Variants in SH2B2 observed in about 807,000 individuals in gnomAD.
The protein encoded by SH2B2 is SH2B adapter protein 2.
A neutral mutation model predicts 35.7 loss-of-function variants in SH2B2; 37 were observed. The ratio of observed to expected loss-of-function variants is 1.04; its 90% CI spans 0.80 to 1.36. SH2B2 has a LOEUF of 1.36. Ranked by LOEUF, SH2B2 falls within the 40% of genes most tolerant of loss-of-function variation. SH2B2 has a pLI of 0.00. For synonymous variants in SH2B2, 383 were observed against 376.4 expected (o/e 1.02, Z -0.20); for missense variants, 852 against 817.7 (o/e 1.04, Z -0.51).
At chr7:102,306,403 G>A (rs1426806360) in intron 2 of SH2B2, among the ~76,000 whole-genome samples, 2 of 151,988 alleles carry the variant, frequency 1.3e-5, no homozygotes, top group African/African-American at 4.8e-5. Context: ...TTTTGGTCTC[G>A]AGTAAAGATA....
chr7:102,321,254 GC>G (rs1353126899), intron 8 of SH2B2, 44 bp from the exon 9 acceptor site: 1 of 1,317,078 alleles, frequency 7.6e-7, no homozygotes, highest in Non-Finnish European at 9.7e-7. Flanking sequence ...GCAGGATGTG[GC>G]CAGCCCAGGT....
intron 2 of SH2B2, among the ~76,000 whole-genome samples, chr7:102,306,359 G>T (rs1034796890): frequency 2.0e-5 from 3 of 152,180 alleles, no homozygotes; most frequent in African/African-American, 2.4e-5. Flanking sequence ...AAAGTGCTGG[G>T]ATTACAGGCG....
At chr7:102,305,893 C>CCT (rs1563558336) in intron 2 of SH2B2, among the ~76,000 whole-genome samples, 9 of 107,304 alleles carry the variant, frequency 8.4e-5, no homozygotes, top group Non-Finnish European at 1.3e-4. Context: ...TTTTTTTTTT[C>CCT]TTTTTTTTTT....
intron 1 of SH2B2, among the ~76,000 whole-genome samples, chr7:102,288,316 T>G (rs145173881): frequency 6.6e-6 from 1 of 152,120 alleles, no homozygotes; most frequent in East Asian, 2.0e-4. Flanking sequence ...AGAGGTCTGG[T>G]GGTGGCGGTG....
rs1289577273 is a variant in SH2B2, at chr7:102,301,047, C to G, written c.497C>G (p.Pro166Arg). ...CCCGAGCCCGACGCGGCAGCTGCCC[C>G]GCGCACCGCCGAGCCCCGCGACAAG... Reference protein sequence around the residue: ...ASPEPDAAAAPRTAEPRDKWT... With the variant: ...ASPEPDAAAARRTAEPRDKWT... The change falls in exon 2 of 9, where the codon CCG becomes CGG. Residue 166 changes from proline (P) to arginine (R), a missense_variant. Pro to Arg is a moderately radical substitution (Grantham distance 103). Coordinates refer to ENST00000444095, the MANE Select transcript of SH2B2 (RefSeq NM_001359228.2). The G allele has an allele frequency of 5.1e-6, 7 of 1,370,042 alleles. No homozygotes were observed. In the East Asian group the frequency reaches 9.5e-5, roughly 19 times the overall value. 84.9% of individuals were successfully genotyped at this position (1,370,042 alleles called of 1,614,324 possible).
intron 6 of SH2B2, among the ~76,000 whole-genome samples, chr7:102,316,308 C>T (rs782565115): frequency 2.0e-5 from 3 of 152,072 alleles, no homozygotes; most frequent in Non-Finnish European, 4.4e-5. Context: ...AATTATTTGG[C>T]TGGGCGCAGT....
At chr7:102,301,369 C>T (rs1337993444) in intron 2 of SH2B2, 90 bp downstream of exon 2, 1 of 1,426,842 alleles carries the variant, frequency 7.0e-7, no homozygotes, top group East Asian at 2.8e-5. Context: ...CCTTTGGGGA[C>T]CGCGTGGTCT....
In SH2B2 at chr7:102,316,889, G is replaced by C. The variant is rs190445298; in HGVS notation, c.1187-298G>C. Among the ~76,000 whole-genome samples, 5 of 150,970 alleles carry C rather than the reference G, an allele frequency of 3.3e-5. No individual in the cohort carries two copies. The East Asian group carries it at 7.9e-4, about 24-fold the overall frequency. ...CAAAAATTAGTTGGGTGTGGTGGTG[G>C]GCGCCTGTAATCCCAGCTACTCGGG... On this transcript the variant is annotated intron_variant, in intron 6 of 8. Transcript: ENST00000444095.
upstream of SH2B2, among the ~76,000 whole-genome samples, chr7:102,286,241 C>T (rs1248884411): frequency 6.6e-6 from 1 of 152,354 alleles, no homozygotes; most frequent in East Asian, 1.9e-4. Flanking sequence ...CGCCCTGTGG[C>T]CCGGGGGCGA....
At chr7:102,307,594 G>A (rs899765919) in intron 3 of SH2B2, among the ~76,000 whole-genome samples, 1 of 151,892 alleles carries the variant, frequency 6.6e-6, no homozygotes, top group African/African-American at 2.4e-5. Context: ...GGGGGCTGGG[G>A]ACACAGCCCC....
At chr7:102,309,468 T>C in intron 4 of SH2B2, 1 of 299,778 alleles carries the variant, frequency 3.3e-6, no homozygotes, top group South Asian at 2.7e-5. Flanking sequence ...TCAAGCAATT[T>C]TCCTGCCTCA....
At chr7:102,302,773 C>T (rs1554554170) in intron 2 of SH2B2, among the ~76,000 whole-genome samples, 1 of 152,220 alleles carries the variant, frequency 6.6e-6, no homozygotes. Context: ...TCTAACATGG[C>T]AGGACATGGT....
chr7:102,311,771 T>C lies in SH2B2; in HGVS notation c.924-2565T>C, dbSNP rs184695763. Reference sequence around the variant, plus strand: ...CGTGTATACATAGGAGCCTTCAGAATGAAGACTCAAAGATACAGGGGAGGG... The same window carrying C: ...CGTGTATACATAGGAGCCTTCAGAACGAAGACTCAAAGATACAGGGGAGGG... On this transcript the variant is annotated intron_variant, in intron 4 of 8. Coordinates refer to ENST00000444095, the MANE Select transcript of SH2B2 (RefSeq NM_001359228.2). 7.2e-5 allele frequency among the ~76,000 whole-genome samples: 11 copies of C among 152,202 alleles called. No homozygotes were observed. In the East Asian group the frequency reaches 1.9e-3, roughly 27 times the overall value.
rs201895678 is a variant in SH2B2 at position 102,320,456 on chromosome 7, C to T, written c.1521C>T (p.Ala507=). Residue 507 remains alanine, a synonymous_variant, in exon 8 of 9, where the codon GCC becomes GCT. Transcript: ENST00000444095. ...TCCCACTGGAGTCAGGGGGCTCGGC[C>T]GACATCACCCTTCGCAGCTATGTGC... ...HPIPLESGGS[A]DITLRSYVRA... is the part of the protein sequence containing the mutation. 62 of 1,613,556 alleles carry T rather than the reference C, an allele frequency of 3.8e-5. 1 individual carries two copies. In the African/African-American group the frequency reaches 6.0e-4, roughly 16 times the overall value.
chr7:102,292,464 G>A (rs1021659071), intron 1 of SH2B2, among the ~76,000 whole-genome samples: 2 of 150,118 alleles, frequency 1.3e-5, no homozygotes, highest in Non-Finnish European at 2.9e-5. Context: ...CCAGGAGGCG[G>A]AAGTTGCAGT....
intron 4 of SH2B2, chr7:102,309,171 A>G (rs1185157461): frequency 3.4e-6 from 2 of 581,814 alleles, no homozygotes; most frequent in African/African-American, 1.8e-5. Flanking sequence ...CTTCACCCCA[A>G]GAGAGCCTCA....
Position 102,300,592 on chromosome 7 carries a change from C to T in SH2B2, c.42C>T (p.Val14=). 4 of 1,550,008 alleles carry T rather than the reference C, an allele frequency of 2.6e-6. No homozygotes were observed. In the South Asian group the frequency reaches 4.8e-5, roughly 18 times the overall value. Residue 14 remains valine, a synonymous_variant, in exon 2 of 9, where the codon GTC becomes GTT. Coordinates refer to ENST00000444095, the MANE Select transcript of SH2B2 (RefSeq NM_001359228.2). ...AGPGPAAAAP[V]PVPVPVPDWR... ...CTGGCCCCGCCGCAGCCGCCCCGGT[C>T]CCAGTCCCGGTCCCGGTCCCGGACT...
intron 4 of SH2B2, among the ~76,000 whole-genome samples, chr7:102,313,780 C>T (rs1398635020): frequency 6.6e-6 from 1 of 151,772 alleles, no homozygotes; most frequent in Admixed American, 6.6e-5. Flanking sequence ...GGCATGGTGG[C>T]AGATGCCTGT....
At chr7:102,313,585 C>T (rs1411960751) in intron 4 of SH2B2, among the ~76,000 whole-genome samples, 2 of 152,100 alleles carry the variant, frequency 1.3e-5, no homozygotes, top group African/African-American at 4.8e-5. Flanking sequence ...CTGTGCCTGG[C>T]TGGATAATTT....
Sources: gnomAD v4.1 joint callset for allele counts (sites outside exome capture counted in the v4.1 genomes callset) on GRCh38, gnomAD v4.1.1 for gene constraint, MANE v1.5 for transcripts, NCBI Gene and HGNC (gene_info 2026-07-23, HGNC 2026-07-21) for gene names.